SERPINB9: variants seen among roughly 807,000 people sequenced by gnomAD.
SERPINB9 encodes the protein serpin family B member 9, also known as serpin B9.
In SERPINB9, 20 loss-of-function variants were observed where a neutral mutation model predicts 27.2. That is an observed-to-expected ratio of 0.74 (90% CI 0.52 to 1.07). SERPINB9 has a LOEUF of 1.07. Ranked by LOEUF, SERPINB9 falls within the 50% of genes least tolerant of loss-of-function variation. The probability of loss-of-function intolerance (pLI) is 0.00; values close to 1 mark genes in which losing one functional copy is unlikely to be tolerated. For missense variants in SERPINB9, 476 were observed against 460.1 expected, an observed-to-expected ratio of 1.03 and a Z score of -0.32; for synonymous variants, 189 against 180.0, an observed-to-expected ratio of 1.05 and a Z score of -0.40.
Position 2,889,986 on chromosome 6 carries a change from T to G in SERPINB9, c.*177A>C, listed in dbSNP as rs911698244. The G allele has an allele frequency of 1.9e-6, 1 of 520,208 alleles. No homozygotes were observed. Among genetic ancestry groups the G allele is most frequent in the African/African-American group, 1.9e-5 (1 of 53,316 alleles). The allele number at this position is 520,208 out of a possible 1,614,324, so 32.2% of individuals were successfully genotyped here. A position where few individuals can be genotyped will look rare whatever the true frequency, so the allele number is the denominator to read the frequency against. On this transcript the variant is annotated 3_prime_UTR_variant, in exon 7 of 7. Coordinates refer to ENST00000380698, the MANE Select transcript of SERPINB9 (RefSeq NM_004155.6). ...CTATTTTCTCAAGATTCTGATTAAG[T>G]AGCATAAGCGAGTGTGGAGCATCAT...
rs5742054 is a variant in SERPINB9, at chr6:2,900,885, T to TCACA, written c.-10-268_-10-265dup. ...TGGCTCGCCTGCAGAGCTCGCTCTC[T>TCACA]CACACACACACACACACACACACAC... On this transcript the variant is annotated intron_variant, in intron 1 of 6. Coordinates refer to ENST00000380698, the MANE Select transcript of SERPINB9 (RefSeq NM_004155.6). Among the ~76,000 whole-genome samples the TCACA allele has an allele frequency of 6.1e-3, 863 of 141,566 alleles. 4 individuals carry two copies. Among genetic ancestry groups the TCACA allele is most frequent in the Non-Finnish European group, 9.9e-3 (653 of 66,224 alleles). 92.9% of individuals were successfully genotyped at this position (141,566 alleles called of 152,430 possible).
At chr6:2,896,934 G>C (rs975451819) in intron 2 of SERPINB9, among the ~76,000 whole-genome samples, 1 of 151,942 alleles carries the variant, frequency 6.6e-6, no homozygotes, top group African/African-American at 2.4e-5. Flanking sequence ...GAGCCCAAGA[G>C]TTTGAGGCTA....
chr6:2,892,105 TAAAAAAAAAAA>T (rs535487251), intron 5 of SERPINB9, 117 bp from the exon 6 acceptor site: 189 of 117,760 alleles, frequency 1.6e-3, no homozygotes, highest in East Asian at 4.0e-3. Flanking sequence ...CAGTTAACAC[TAAAAAAAAAAA>T]AAAAAAAAAA....
rs754853224 is a variant in SERPINB9 at position 2,890,610 on chromosome 6, T to C, written c.724-40A>G. 5.7e-6 allele frequency: 9 copies of C among 1,571,814 alleles called. No individual in the cohort carries two copies. The highest frequency in any genetic ancestry group is 1.2e-5 in the South Asian group (1 of 85,274). On this transcript the variant is annotated intron_variant, in intron 6 of 6. Coordinates refer to ENST00000380698, the MANE Select transcript of SERPINB9 (RefSeq NM_004155.6). The surrounding 1 kb of genome is among the most constrained non-coding windows in gnomAD (Gnocchi z 6.2). ...TTAGACTTTAAGATTCCGACTTCAG[T>C]GCACATGTACAAGCGCACAGGCACT...
In SERPINB9 at chr6:2,890,441, G is replaced by T; in HGVS notation, c.853C>A (p.Arg285=). 1.2e-6 allele frequency: 2 copies of T among 1,614,170 alleles called. No homozygotes were observed. The highest frequency in any genetic ancestry group is 1.7e-6 in the Non-Finnish European group (2 of 1,180,036). ...AAGGCATCAACAATTCCCAAATGCC[G>T]AAGCACAGATTCCATGTCATAATCC... ...QEDYDMESVL[R]HLGIVDAFQQ... Residue 285 remains arginine, a synonymous_variant, in exon 7 of 7, where the codon CGG becomes AGG. Coordinates refer to ENST00000380698, the MANE Select transcript of SERPINB9 (RefSeq NM_004155.6). This position sits in a 1 kb window ranked among gnomAD's most constrained non-coding sequence, Gnocchi z 6.2.
rs868291378 is a variant in SERPINB9 at position 2,893,407 on chromosome 6, C to T, written c.567+4G>A. 1.9e-6 allele frequency: 3 copies of T among 1,598,036 alleles called. No individual in the cohort carries two copies. Among genetic ancestry groups the T allele is most frequent in the Admixed American group, 1.7e-5 (1 of 58,218 alleles). ...CTAGCAGGATTTTAAAAAGCTTCCC[C>T]CACCTGGTTTATTTTAAAGGGCATT... On this transcript the variant is annotated splice_donor_region_variant and intron_variant, in intron 5 of 6. Coordinates refer to ENST00000380698, the MANE Select transcript of SERPINB9 (RefSeq NM_004155.6).
chr6:2,901,809 C>T (rs1248597653), intron 1 of SERPINB9, among the ~76,000 whole-genome samples: 7 of 152,106 alleles, frequency 4.6e-5, no homozygotes, highest in African/African-American at 1.4e-4. Context: ...ATGCCCAGGC[C>T]CCCTCCCGAG....
Position 2,890,273 on chromosome 6 carries a change from A to T in SERPINB9, c.1021T>A (p.Cys341Ser). The T allele has an allele frequency of 1.9e-6, 3 of 1,614,190 alleles. No homozygotes were observed. The highest frequency in any genetic ancestry group is 2.5e-6 in the Non-Finnish European group (3 of 1,180,032). ...AASSCFVVAECCMESGPRFCA... is the reference protein window; with the variant it reads ...AASSCFVVAESCMESGPRFCA... ...AACCTGGGGCCAGATTCCATGCAGC[A>T]CTCTGCAACTACAAAGCAGCTCGAC... The change falls in exon 7 of 7, where the codon TGC becomes AGC. Residue 341 changes from cysteine (C) to serine (S), a missense_variant. Cys to Ser is a moderately radical substitution (Grantham distance 112). Coordinates refer to ENST00000380698, the MANE Select transcript of SERPINB9 (RefSeq NM_004155.6). The surrounding 1 kb of genome is among the most constrained non-coding windows in gnomAD (Gnocchi z 6.2).
In SERPINB9 at chr6:2,895,281, TA is replaced by T; in HGVS notation, c.424+109del. 2.9e-6 allele frequency: 2 copies of T among 679,744 alleles called. 1 individual carries two copies. The highest frequency in any genetic ancestry group is 3.6e-5 in the South Asian group (2 of 55,284). The allele number at this position is 679,744 out of a possible 1,614,324, so 42.1% of individuals were successfully genotyped here. A position where few individuals can be genotyped will look rare whatever the true frequency, so the allele number is the denominator to read the frequency against. ...GGTGGGTGAGGAGAGGGAGGAGGGA[TA>T]GGAGGGAGAGGAGGAGGAGAGAGGA... On this transcript the variant is annotated intron_variant, in intron 4 of 6. Transcript: ENST00000380698.
rs1309450376 is a variant in SERPINB9 at position 2,888,382 on chromosome 6, CACAA to C, written c.*1777_*1780del. ...ATAGGCATTCAAACAAATACAGGTA[CACAA>C]ACATTCATAGCAGCACTATTCCCAA... On this transcript the variant is annotated 3_prime_UTR_variant, in exon 7 of 7. Coordinates refer to ENST00000380698, the MANE Select transcript of SERPINB9 (RefSeq NM_004155.6). 1 of 152,172 alleles carries C rather than the reference CACAA, an allele frequency of 6.6e-6. No homozygotes were observed. Among genetic ancestry groups the C allele is most frequent in the Non-Finnish European group, 1.5e-5 (1 of 68,032 alleles). 9.4% of individuals were successfully genotyped at this position (152,172 alleles called of 1,614,324 possible).
At chr6:2,901,634 G>A (rs1288404076) in intron 1 of SERPINB9, among the ~76,000 whole-genome samples, 1 of 152,010 alleles carries the variant, frequency 6.6e-6, no homozygotes, top group African/African-American at 2.4e-5. Context: ...CCCACCCCCA[G>A]GCTGCAGTTC....
Position 2,891,763 on chromosome 6 carries a change from G to C in SERPINB9, c.723+70C>G. The C allele has an allele frequency of 6.7e-7, 1 of 1,502,338 alleles. No homozygotes were observed. The highest frequency in any genetic ancestry group is 8.9e-7 in the Non-Finnish European group (1 of 1,126,656). The allele number at this position is 1,502,338 out of a possible 1,614,324, so 93.1% of individuals were successfully genotyped here. On this transcript the variant is annotated intron_variant, in intron 6 of 6. Coordinates refer to ENST00000380698, the MANE Select transcript of SERPINB9 (RefSeq NM_004155.6). This position sits in a 1 kb window ranked among gnomAD's most constrained non-coding sequence, Gnocchi z 4.0. ...TCGCCAACTCAGAAGGTGAATATGA[G>C]AGGTGGAAGTGGCACTCGAGTTCTG... is the stretch of plus-strand genomic sequence containing the variant.
In SERPINB9 at chr6:2,891,714, C is replaced by T. The variant is rs764750980; in HGVS notation, c.723+119G>A. 1.7e-6 allele frequency: 2 copies of T among 1,204,502 alleles called. No homozygotes were observed. Among genetic ancestry groups the T allele is most frequent in the Non-Finnish European group, 2.3e-6 (2 of 872,856 alleles). 74.6% of individuals were successfully genotyped at this position (1,204,502 alleles called of 1,614,324 possible). On this transcript the variant is annotated intron_variant, in intron 6 of 6. Coordinates refer to ENST00000380698, the MANE Select transcript of SERPINB9 (RefSeq NM_004155.6). The surrounding 1 kb of genome is among the most constrained non-coding windows in gnomAD (Gnocchi z 4.0). ...AAAAGTTCGATCCCAACGCCAAGTGCCTGCACAGTGTGCGTCTGCCGCATC... is the reference window on the plus strand; with the variant it reads ...AAAAGTTCGATCCCAACGCCAAGTGTCTGCACAGTGTGCGTCTGCCGCATC...
chr6:2,900,572 G>T lies in SERPINB9; in HGVS notation c.40C>A (p.Arg14Ser), dbSNP rs772268025. The T allele has an allele frequency of 6.2e-7, 1 of 1,614,054 alleles. No individual in the cohort carries two copies. Among genetic ancestry groups the T allele is most frequent in the East Asian group, 2.2e-5 (1 of 44,888 alleles). Residue 14 changes from arginine to serine, a missense_variant, in exon 2 of 7, where the codon CGC becomes AGC. By Grantham distance (110) the Arg-to-Ser change is moderately radical. Transcript: ENST00000380698. ...LSNASGTFAIRLLKILCQDNP... is the reference protein window; with the variant it reads ...LSNASGTFAISLLKILCQDNP... ...TCTTGACACAGTATCTTTAAAAGGC[G>T]TATGGCAAAAGTACCACTTGCATTA...
Position 2,890,653 on chromosome 6 carries a change from C to T in SERPINB9, c.724-83G>A. ...CAGGCACTCACAGTTCCCTTCCTCC[C>T]CTTGCACGTAGGTGTTGTTTGTTCA... On this transcript the variant is annotated intron_variant, in intron 6 of 6. Transcript: ENST00000380698. The surrounding 1 kb of genome is among the most constrained non-coding windows in gnomAD (Gnocchi z 6.2). 7.5e-7 allele frequency: 1 copy of T among 1,327,508 alleles called. No individual in the cohort carries two copies. The highest frequency in any genetic ancestry group is 1.5e-5 in the African/African-American group (1 of 68,276). The allele number at this position is 1,327,508 out of a possible 1,614,324, so 82.2% of individuals were successfully genotyped here.
At chr6:2,892,674 TCTC>T (rs970764076) in intron 5 of SERPINB9, among the ~76,000 whole-genome samples, 1 of 152,172 alleles carries the variant, frequency 6.6e-6, no homozygotes, top group Non-Finnish European at 1.5e-5. Flanking sequence ...GGGTTAGAAT[TCTC>T]CTCCTCCCAC....
Position 2,896,129 on chromosome 6 carries a change from A to G in SERPINB9, c.230T>C (p.Val77Ala), listed in dbSNP as rs1165968430. The change falls in exon 3 of 7, where the codon GTG (valine) becomes GCG (alanine). Residue 77 changes from valine (V) to alanine (A), a missense_variant. Transcript: ENST00000380698. ...CAGGTACTGTGTGCCAGCCTTGTTCACTTCAGTGAGAAGCGACTGGAAAGC... is the reference window on the plus strand; with the variant it reads ...CAGGTACTGTGTGCCAGCCTTGTTCGCTTCAGTGAGAAGCGACTGGAAAGC... The part of the protein sequence containing the change: ...HRAFQSLLTE[V>A]NKAGTQYLLR... 3 of 1,614,090 alleles carry G rather than the reference A, an allele frequency of 1.9e-6. No homozygotes were observed. Among genetic ancestry groups the G allele is most frequent in the East Asian group, 2.2e-5 (1 of 44,882 alleles).
At position 2,889,335 on chromosome 6, in the gene SERPINB9, G is replaced by T. The variant is rs1191835239; in HGVS notation, c.*828C>A. On this transcript the variant is annotated 3_prime_UTR_variant, in exon 7 of 7. Coordinates refer to ENST00000380698, the MANE Select transcript of SERPINB9 (RefSeq NM_004155.6). ...AGGAGGATGGCTCTGTCCCCTTTGT[G>T]TCCCCAGTGCCTAAAGCAGTGTTTG... 1 of 152,250 alleles carries T rather than the reference G, an allele frequency of 6.6e-6. No individual in the cohort carries two copies. Among genetic ancestry groups the T allele is most frequent in the Non-Finnish European group, 1.5e-5 (1 of 68,080 alleles). 9.4% of individuals were successfully genotyped at this position (152,250 alleles called of 1,614,324 possible).
chr6:2,895,875 C>A (rs1270058861), intron 3 of SERPINB9, among the ~76,000 whole-genome samples, 178 bp downstream of exon 3: 2 of 151,830 alleles, frequency 1.3e-5, no homozygotes, highest in Non-Finnish European at 2.9e-5. Context: ...TCACTTGAGA[C>A]CAGGAGTTTA....
Sources: allele counts gnomAD v4.1 joint callset (sites outside exome capture counted in the v4.1 genomes callset), GRCh38; gene constraint gnomAD v4.1.1; non-coding constraint Gnocchi (gnomAD v3.1); transcripts MANE v1.5; gene names NCBI Gene and HGNC (gene_info 2026-07-23, HGNC 2026-07-21).